The following PCSK7 variants were observed in gnomAD, a reference collection of about 807,000 sequenced individuals.
The protein encoded by PCSK7 is proprotein convertase subtilisin/kexin type 7.
In PCSK7, 38 loss-of-function variants were observed where a neutral mutation model predicts 73.3. The ratio of observed to expected loss-of-function variants is 0.52; its 90% CI spans 0.40 to 0.68. PCSK7 has a LOEUF of 0.68. Among genes scored for constraint, PCSK7 ranks in the 30% least tolerant of loss-of-function variants. The probability of loss-of-function intolerance (pLI) is 0.00; values close to 1 mark genes in which losing one functional copy is unlikely to be tolerated. For synonymous variants in PCSK7, 296 were observed against 383.8 expected (o/e 0.77, Z 2.68); for missense variants, 692 against 991.5 (o/e 0.70, Z 4.06).
At chr11:117,223,956 C>T in intron 8 of PCSK7, 122 bp downstream of exon 8, 1 of 1,047,526 alleles carries the variant, frequency 9.5e-7, no homozygotes, top group South Asian at 1.4e-5. Flanking sequence ...CTAGTCCTAT[C>T]TGAGCCCAAA....
rs1404750892 is a variant in PCSK7, at chr11:117,210,935, C to CA, written c.1535-1883dup. On this transcript the variant is annotated intron_variant, in intron 12 of 16. Transcript: ENST00000320934. ...TGGGCAATAGAGTGAGAGCCTGTCT[C>CA]AAAAAAAAAAATTATTCCAATATGC... 265 of 144,624 alleles carry CA rather than the reference C, an allele frequency of 1.8e-3. 6 individuals are homozygous for CA. In the East Asian group the frequency reaches 0.033, roughly 18 times the overall value. 9.0% of individuals were successfully genotyped at this position (144,624 alleles called of 1,614,324 possible).
At chr11:117,222,478 C>T (rs978358157) in intron 9 of PCSK7, 1 of 152,136 alleles carries the variant, frequency 6.6e-6, no homozygotes, top group Non-Finnish European at 1.5e-5. Flanking sequence ...ATGCACATGA[C>T]CAGAACTCAC....
chr11:117,215,380 G>GTGTGTGTGTGTGTGTATATATATA (rs1164738557), intron 12 of PCSK7: 1 of 55,902 alleles, frequency 1.8e-5, no homozygotes, highest in Non-Finnish European at 2.8e-5. Flanking sequence ...GTGTGTGTGT[G>GTGTGTGTGTGTGTGTATATATATA]TATATATATA....
chr11:117,223,803 G>A (rs968028429), intron 8 of PCSK7: 1 of 444,402 alleles, frequency 2.3e-6, no homozygotes, highest in African/African-American at 2.0e-5. Context: ...GGCAGAAGGT[G>A]GCCCACAGAA....
At chr11:117,224,945 A>G (rs2032356223) in intron 6 of PCSK7, 190 bp from the exon 7 acceptor site, 5 of 604,656 alleles carry the variant, frequency 8.3e-6, no homozygotes, top group Non-Finnish European at 1.5e-5. Context: ...AGTGGAAAAC[A>G]GAAGTGTGCT....
rs2032511538 is a variant in PCSK7, at chr11:117,228,361, G to C, written c.469-11C>G. The C allele has an allele frequency of 1.2e-6, 2 of 1,613,206 alleles. No homozygotes were observed. The highest frequency in any genetic ancestry group is 1.7e-6 in the Non-Finnish European group (2 of 1,179,152). ...GCTCCGTCGGTTATTCTGTAAGAGA[G>C]ACAGGATGGGAATACAGTGACACAT... On this transcript the variant is annotated splice_polypyrimidine_tract_variant and intron_variant, in intron 3 of 16. Transcript: ENST00000320934.
intron 7 of PCSK7, 146 bp from the exon 8 acceptor site, chr11:117,224,362 G>T: frequency 1.3e-6 from 1 of 782,492 alleles, no homozygotes; most frequent in Non-Finnish European, 2.1e-6. Flanking sequence ...TTGGAAGATG[G>T]ACCCCGCATG....
Position 117,218,416 on chromosome 11 carries a change from G to C in PCSK7, c.1534+50C>G, listed in dbSNP as rs367885075. ...GACGAGTTTAACTTCCTTGTCACCCGGCCCCAAACCTCAGGCCTAAGATTA... is the reference window on the plus strand; with the variant it reads ...GACGAGTTTAACTTCCTTGTCACCCCGCCCCAAACCTCAGGCCTAAGATTA... On this transcript the variant is annotated intron_variant, in intron 12 of 16. Coordinates refer to ENST00000320934, the MANE Select transcript of PCSK7 (RefSeq NM_004716.4). The surrounding 1 kb of genome is among the most constrained non-coding windows in gnomAD (Gnocchi z 4.0). 2 of 999,236 alleles carry C rather than the reference G, an allele frequency of 2.0e-6. No individual in the cohort carries two copies. Among genetic ancestry groups the C allele is most frequent in the South Asian group, 3.5e-5 (2 of 57,546 alleles). The allele number at this position is 999,236 out of a possible 1,614,324, so 61.9% of individuals were successfully genotyped here.
intron 5 of PCSK7, 141 bp from the exon 6 acceptor site, chr11:117,226,162 A>C: frequency 3.2e-6 from 2 of 620,036 alleles, no homozygotes; most frequent in Non-Finnish European, 2.9e-6. Context: ...TTTTGAGATA[A>C]AGTCTTACTT....
chr11:117,219,266 G>T, intron 10 of PCSK7, 102 bp from the exon 11 acceptor site: 1 of 829,170 alleles, frequency 1.2e-6, no homozygotes, highest in Non-Finnish European at 1.9e-6. Context: ...TCCAGTCCAC[G>T]CTCTCCCACT....
At chr11:117,228,424 C>T in intron 3 of PCSK7, 74 bp from the exon 4 acceptor site, 1 of 1,362,358 alleles carries the variant, frequency 7.3e-7, no homozygotes, top group East Asian at 2.3e-5. Flanking sequence ...TAGCTAGCAG[C>T]CCCTTTTCAC....
chr11:117,223,767 T>A, intron 8 of PCSK7: 1 of 398,180 alleles, frequency 2.5e-6, no homozygotes. Flanking sequence ...TTTAGGCCTG[T>A]GGGGAGTCAG....
At chr11:117,211,177 C>T (rs1012102970) in intron 12 of PCSK7, 4 of 152,306 alleles carry the variant, frequency 2.6e-5, no homozygotes, top group Admixed American at 1.3e-4. Context: ...CGGCTAGATG[C>T]TTGGCTCACT....
Position 117,218,262 on chromosome 11 carries a change from G to C in PCSK7, c.1534+204C>G, listed in dbSNP as rs191405537. ...CTCCTTTTCACTACTAGGAACCCAG[G>C]AGAAAGGTCTTGTTTAAGCAGCTGG... On this transcript the variant is annotated intron_variant, in intron 12 of 16. Coordinates refer to ENST00000320934, the MANE Select transcript of PCSK7 (RefSeq NM_004716.4). The surrounding 1 kb of genome is among the most constrained non-coding windows in gnomAD (Gnocchi z 4.0). The C allele has an allele frequency of 6.5e-6, 2 of 307,644 alleles. No individual in the cohort carries two copies. The highest frequency in any genetic ancestry group is 1.2e-5 in the Non-Finnish European group (2 of 166,306). The allele number at this position is 307,644 out of a possible 1,614,324, so 19.1% of individuals were successfully genotyped here. A position where few individuals can be genotyped will look rare whatever the true frequency, so the allele number is the denominator to read the frequency against.
At position 117,223,275 on chromosome 11, in the gene PCSK7, T is replaced by C; in HGVS notation, c.1088A>G (p.Tyr363Cys). 6.2e-7 allele frequency: 1 copy of C among 1,613,384 alleles called. No homozygotes were observed. Among genetic ancestry groups the C allele is most frequent in the Non-Finnish European group, 8.5e-7 (1 of 1,179,376 alleles). The change falls in exon 9 of 17, where the codon TAT (tyrosine) becomes TGT (cysteine). Residue 363 changes from tyrosine (Y) to cysteine (C), a missense_variant. Coordinates refer to ENST00000320934, the MANE Select transcript of PCSK7 (RefSeq NM_004716.4). ...CAGCATGGAGGCACATTCTTCTGCA[T>C]AGAAAGGCATGCGTCCCTCCTCATC... Reference protein sequence around the residue: ...AVDEEGRMPFYAEECASMLAV... With the variant: ...AVDEEGRMPFCAEECASMLAV...
At chr11:117,223,392 T>TA (rs777735552) in intron 8 of PCSK7, 84 bp from the exon 9 acceptor site, 2 of 843,718 alleles carry the variant, frequency 2.4e-6, no homozygotes, top group Middle Eastern at 4.4e-4. Context: ...ATCTTGGAGT[T>TA]ACCATCCTGG....
At chr11:117,224,237 G>A (rs751994789) in intron 7 of PCSK7, 21 bp from the exon 8 acceptor site, 13 of 1,613,242 alleles carry the variant, frequency 8.1e-6, no homozygotes, top group Non-Finnish European at 1.1e-5. Flanking sequence ...AAAACATCAG[G>A]GTGTCAGTTG....
intron 7 of PCSK7, 49 bp from the exon 8 acceptor site, chr11:117,224,265 C>T (rs758120801): frequency 1.3e-6 from 2 of 1,591,756 alleles, no homozygotes; most frequent in Non-Finnish European, 1.7e-6. Context: ...CACAGAAAGA[C>T]CTCCGCCTAC....
chr11:117,230,277 A>C, intron 2 of PCSK7, 72 bp downstream of exon 2: 3 of 160,100 alleles, frequency 1.9e-5, no homozygotes, highest in Non-Finnish European at 4.1e-5. Flanking sequence ...GGGGACATAA[A>C]TCTTTCCCTA....
Sources: gnomAD v4.1 joint callset for allele counts on GRCh38, gnomAD v4.1.1 for gene constraint, Gnocchi (gnomAD v3.1) non-coding constraint, MANE v1.5 for transcripts, NCBI Gene and HGNC (gene_info 2026-07-23, HGNC 2026-07-21) for gene names.